Variants in PCDHAC1 observed in about 807,000 individuals in gnomAD.
PCDHAC1 encodes the protein protocadherin alpha-C1.
Under a neutral mutation model 60.0 loss-of-function variants are expected in PCDHAC1, and 42 were observed. The observed-to-expected ratio is 0.70, with a 90% CI of 0.55 to 0.90. The LOEUF (loss-of-function observed/expected upper bound fraction) is 0.90, where lower values mean the gene tolerates loss of function less well. PCDHAC1 is among the 40% of genes least tolerant of loss of function. The pLI is 0.00. For synonymous variants in PCDHAC1, 468 were observed against 499.3 expected (o/e 0.94, Z 0.84); for missense variants, 1,160 against 1,222.3 (o/e 0.95, Z 0.76).
rs190030565 is a variant in PCDHAC1, at chr5:140,999,153, C to T, written c.2582-10474C>T. Among the ~76,000 whole-genome samples, 42 of 152,242 alleles carry T rather than the reference C, an allele frequency of 2.8e-4. 1 individual carries two copies. In the East Asian group the frequency reaches 5.2e-3, roughly 19 times the overall value. Reference sequence around the variant, plus strand: ...AATGTCACAGCCGGAAGTCTTCAGTCCCCTAGAAGGAAAAGAGCCTGATGG... The same window carrying T: ...AATGTCACAGCCGGAAGTCTTCAGTTCCCTAGAAGGAAAAGAGCCTGATGG... On this transcript the variant is annotated intron_variant, in intron 3 of 3. Coordinates refer to ENST00000253807, the MANE Select transcript of PCDHAC1 (RefSeq NM_018898.5).
intron 1 of PCDHAC1, chr5:140,968,895 T>G: frequency 6.2e-7 from 1 of 1,614,218 alleles, no homozygotes; most frequent in Non-Finnish European, 8.5e-7. Context: ...TATCTAATAA[T>G]AGCATTAAGC....
intron 3 of PCDHAC1, among the ~76,000 whole-genome samples, chr5:141,002,590 C>T (rs183905414): frequency 6.6e-6 from 1 of 152,294 alleles, no homozygotes; most frequent in East Asian, 1.9e-4. Flanking sequence ...AGTCCTTAGT[C>T]CCCTCATCTA....
chr5:140,962,155 G>A (rs977043867), intron 1 of PCDHAC1, among the ~76,000 whole-genome samples: 8 of 152,060 alleles, frequency 5.3e-5, no homozygotes, highest in South Asian at 2.1e-4. Flanking sequence ...GATTACAGGC[G>A]TGAGCCACCA....
intron 1 of PCDHAC1, among the ~76,000 whole-genome samples, chr5:140,977,970 A>G (rs531494024): frequency 2.0e-5 from 3 of 152,332 alleles, no homozygotes; most frequent in South Asian, 4.1e-4. Context: ...ATCTCCGCCC[A>G]TGAAAACGCA....
At chr5:140,996,302 CAA>C (rs2097720989) in intron 3 of PCDHAC1, among the ~76,000 whole-genome samples, 1 of 152,274 alleles carries the variant, frequency 6.6e-6, no homozygotes, top group Non-Finnish European at 1.5e-5. Flanking sequence ...CAGATTGTAA[CAA>C]AGTAAGGGGG....
chr5:140,935,566 T>A (rs2090441028), intron 1 of PCDHAC1, among the ~76,000 whole-genome samples: 1 of 152,246 alleles, frequency 6.6e-6, no homozygotes, highest in Non-Finnish European at 1.5e-5. Context: ...AAAGTTCCTC[T>A]CTGTGTAGTT....
At chr5:140,941,194 TCTTTCTTCC>T (rs781813612) in intron 1 of PCDHAC1, among the ~76,000 whole-genome samples, 93 of 112,424 alleles carry the variant, frequency 8.3e-4, no homozygotes, top group South Asian at 2.2e-3. Flanking sequence ...TCTTTTTTTT[TCTTTCTTCC>T]TTTCTTTCTT....
chr5:140,946,658 A>C (rs2094004902), intron 1 of PCDHAC1, among the ~76,000 whole-genome samples: 1 of 147,652 alleles, frequency 6.8e-6, no homozygotes, highest in South Asian at 2.1e-4. Flanking sequence ...CAGCCATTAG[A>C]AAGAATGAAA....
intron 1 of PCDHAC1, chr5:140,968,878 T>A (rs1554231201): frequency 6.2e-7 from 1 of 1,614,244 alleles, no homozygotes; most frequent in South Asian, 1.1e-5. Flanking sequence ...ACTCTGAAAT[T>A]ACCCTTTATC....
At chr5:140,997,993 C>T (rs1356544638) in intron 3 of PCDHAC1, among the ~76,000 whole-genome samples, 1 of 152,082 alleles carries the variant, frequency 6.6e-6, no homozygotes, top group Non-Finnish European at 1.5e-5. Flanking sequence ...TACATACTTC[C>T]CTCTGAGCCT....
chr5:140,959,622 A>T (rs1489618654), intron 1 of PCDHAC1, among the ~76,000 whole-genome samples: 1 of 152,194 alleles, frequency 6.6e-6, no homozygotes, highest in Admixed American at 6.5e-5. Flanking sequence ...TTGTGATAGA[A>T]AAAAAGAGAG....
intron 3 of PCDHAC1, among the ~76,000 whole-genome samples, chr5:141,001,099 C>A (rs1554258004): frequency 6.6e-6 from 1 of 151,694 alleles, no homozygotes; most frequent in African/African-American, 2.4e-5. Context: ...CTGTCTAATC[C>A]ATAATAAGCA....
At chr5:140,971,715 T>C (rs2096493906) in intron 1 of PCDHAC1, among the ~76,000 whole-genome samples, 1 of 152,048 alleles carries the variant, frequency 6.6e-6, no homozygotes. Context: ...TATATAGATA[T>C]ATGTATATCA....
intron 1 of PCDHAC1, among the ~76,000 whole-genome samples, chr5:140,957,961 G>C (rs1188264296): frequency 6.6e-6 from 1 of 152,048 alleles, no homozygotes; most frequent in Non-Finnish European, 1.5e-5. Flanking sequence ...TATTAATTCA[G>C]AGATGCTGTA....
intron 1 of PCDHAC1, among the ~76,000 whole-genome samples, chr5:140,936,540 G>A (rs1320380132): frequency 6.6e-6 from 1 of 152,174 alleles, no homozygotes; most frequent in East Asian, 1.9e-4. Context: ...TGAATATAGT[G>A]CAATGTAGAA....
At chr5:140,969,601 T>C (rs2096345611) in intron 1 of PCDHAC1, 1 of 772,836 alleles carries the variant, frequency 1.3e-6, no homozygotes, top group African/African-American at 1.8e-5. Flanking sequence ...TATTTAATGC[T>C]AAAACACAGA....
Position 140,938,882 on chromosome 5 carries a change from C to T in PCDHAC1, c.2433+9557C>T, listed in dbSNP as rs529115064. On this transcript the variant is annotated intron_variant, in intron 1 of 3. Transcript: ENST00000253807. ...AACTTAAAAGTTAAGAAGCAACACA[C>T]ACACACACAGATGCGCACACACACA... is the stretch of plus-strand genomic sequence containing the variant. Among the ~76,000 whole-genome samples the T allele has an allele frequency of 3.3e-5, 5 of 152,218 alleles. No individual in the cohort carries two copies. The South Asian group carries it at 1.0e-3, about 32-fold the overall frequency.
At chr5:140,998,156 C>T (rs782675490) in intron 3 of PCDHAC1, among the ~76,000 whole-genome samples, 3 of 152,178 alleles carry the variant, frequency 2.0e-5, no homozygotes, top group Non-Finnish European at 4.4e-5. Context: ...ACAGTTAAGC[C>T]ATGTGCCAAG....
chr5:140,978,829 T>A (rs2096825254), intron 1 of PCDHAC1, 120 bp from the exon 2 acceptor site: 2 of 1,533,852 alleles, frequency 1.3e-6, no homozygotes, highest in Admixed American at 2.0e-5. Flanking sequence ...ATGAAATGGC[T>A]CATTCAATAC....
Sources: allele counts gnomAD v4.1 joint callset (sites outside exome capture counted in the v4.1 genomes callset), GRCh38; gene constraint gnomAD v4.1.1; transcripts MANE v1.5; gene names NCBI Gene and HGNC (gene_info 2026-07-23, HGNC 2026-07-21).